The following IGSF21 variants were observed in gnomAD, a reference collection of about 807,000 sequenced individuals.
IGSF21 encodes immunoglobulin superfamily member 21.
Under a neutral mutation model 46.8 loss-of-function variants are expected in IGSF21, and 28 were observed. That is an observed-to-expected ratio of 0.60 (90% CI 0.44 to 0.82). The LOEUF is 0.82. Ranked by LOEUF, IGSF21 falls within the 40% of genes least tolerant of loss-of-function variation. The probability of loss-of-function intolerance (pLI) is 0.00; values close to 1 mark genes in which losing one functional copy is unlikely to be tolerated. For synonymous variants in IGSF21, 284 were observed against 273.6 expected, an observed-to-expected ratio of 1.04 and a Z score of -0.38; for missense variants, 624 against 665.5, an observed-to-expected ratio of 0.94 and a Z score of 0.69.
chr1:18,159,330 T>C (rs75646625), intron 1 of IGSF21, among the ~76,000 whole-genome samples: 3,344 of 152,212 alleles, frequency 0.022, 203 homozygotes, highest in East Asian at 0.19. Flanking sequence ...GCCGAAGAAA[T>C]GTTAGAATCA....
intron 1 of IGSF21, among the ~76,000 whole-genome samples, chr1:18,224,047 A>C (rs978062205): frequency 1.3e-5 from 2 of 152,184 alleles, no homozygotes; most frequent in Admixed American, 6.5e-5. Flanking sequence ...AGCAGGGCTG[A>C]GACTAGGGTG....
At chr1:18,249,139 C>T (rs1422943394) in intron 2 of IGSF21, among the ~76,000 whole-genome samples, 1 of 152,138 alleles carries the variant, frequency 6.6e-6, no homozygotes, top group Non-Finnish European at 1.5e-5. Context: ...CAGGTATTCA[C>T]CTTGGTGAGA....
intron 2 of IGSF21, among the ~76,000 whole-genome samples, chr1:18,278,531 T>TTTG (rs2085126460): frequency 6.4e-5 from 9 of 140,786 alleles, no homozygotes; most frequent in East Asian, 2.2e-4. Context: ...GTAAGGTTTT[T>TTTG]TTTGTTTGTT....
intron 4 of IGSF21, among the ~76,000 whole-genome samples, chr1:18,349,200 G>T (rs150237744): frequency 5.9e-4 from 90 of 152,270 alleles, no homozygotes; most frequent in African/African-American, 1.9e-3. Context: ...CTTAGGGAGT[G>T]ACCAAATGGA....
intron 4 of IGSF21, among the ~76,000 whole-genome samples, chr1:18,359,121 A>G (rs1003705271): frequency 1.3e-5 from 2 of 151,626 alleles, no homozygotes; most frequent in East Asian, 3.9e-4. Context: ...AACAAAAACA[A>G]AAACAAAACA....
intron 3 of IGSF21, among the ~76,000 whole-genome samples, chr1:18,332,835 G>C (rs2085728344): frequency 6.6e-6 from 1 of 152,196 alleles, no homozygotes; most frequent in Non-Finnish European, 1.5e-5. Context: ...GGTGGTGGGA[G>C]GGATGGGCTG....
intron 1 of IGSF21, among the ~76,000 whole-genome samples, chr1:18,175,533 T>C (rs1206565558): frequency 6.6e-6 from 1 of 152,098 alleles, no homozygotes; most frequent in Non-Finnish European, 1.5e-5. Context: ...CATCCAAGGT[T>C]AAAGGCAGGA....
At chr1:18,214,859 A>C (rs796265448) in intron 1 of IGSF21, among the ~76,000 whole-genome samples, 136 of 152,220 alleles carry the variant, frequency 8.9e-4, no homozygotes, top group African/African-American at 3.2e-3. Flanking sequence ...TCTCCTGCCT[A>C]GCCTCCCAAG....
At chr1:18,173,846 C>T (rs2124461981) in intron 1 of IGSF21, among the ~76,000 whole-genome samples, 1 of 152,294 alleles carries the variant, frequency 6.6e-6, no homozygotes, top group Middle Eastern at 3.4e-3. Context: ...CTCGGTCTCC[C>T]AGGTTCAAGC....
intron 2 of IGSF21, among the ~76,000 whole-genome samples, chr1:18,286,661 A>G (rs556765349): frequency 1.3e-5 from 2 of 152,322 alleles, no homozygotes; most frequent in African/African-American, 4.8e-5. Context: ...TACTCTTACC[A>G]GGGAGTCCCA....
intron 1 of IGSF21, among the ~76,000 whole-genome samples, chr1:18,193,285 G>A (rs1038184209): frequency 2.0e-4 from 30 of 152,218 alleles, no homozygotes; most frequent in African/African-American, 4.8e-4. Flanking sequence ...AGGGGCCAGT[G>A]CTTACAGGGC....
At chr1:18,242,916 T>C (rs1246430766) in intron 2 of IGSF21, among the ~76,000 whole-genome samples, 1 of 152,180 alleles carries the variant, frequency 6.6e-6, no homozygotes, top group Non-Finnish European at 1.5e-5. Flanking sequence ...CCCGCACCCT[T>C]GTCTGGAGCT....
intron 4 of IGSF21, among the ~76,000 whole-genome samples, chr1:18,354,684 G>C (rs770381203): frequency 1.3e-5 from 2 of 152,050 alleles, no homozygotes; most frequent in Admixed American, 6.5e-5. Context: ...CTGGGAGCCA[G>C]AGTGTGCTAA....
At chr1:18,197,960 G>A (rs993347727) in intron 1 of IGSF21, among the ~76,000 whole-genome samples, 1 of 152,122 alleles carries the variant, frequency 6.6e-6, no homozygotes, top group Non-Finnish European at 1.5e-5. Context: ...CCTCTCCAAG[G>A]CTTGGTTTCT....
chr1:18,154,132 A>T (rs189585389), intron 1 of IGSF21, among the ~76,000 whole-genome samples: 1 of 152,214 alleles, frequency 6.6e-6, no homozygotes, highest in East Asian at 1.9e-4. Context: ...TAGAACATGC[A>T]TTCCTCGCTT....
At chr1:18,244,450 T>G (rs574907387) in intron 2 of IGSF21, among the ~76,000 whole-genome samples, 1 of 152,186 alleles carries the variant, frequency 6.6e-6, no homozygotes, top group Non-Finnish European at 1.5e-5. Context: ...TGGGTGGGCC[T>G]TTCTCTGTGT....
intron 2 of IGSF21, among the ~76,000 whole-genome samples, chr1:18,270,161 A>T (rs1305912071): frequency 2.0e-5 from 3 of 152,164 alleles, no homozygotes; most frequent in Non-Finnish European, 1.5e-5. Flanking sequence ...CTTGTGGTTG[A>T]ACTACCAGTC....
intron 3 of IGSF21, among the ~76,000 whole-genome samples, chr1:18,329,881 AAGGCATGC>A (rs1471204497): frequency 6.6e-6 from 1 of 152,192 alleles, no homozygotes; most frequent in East Asian, 1.9e-4. Flanking sequence ...TTACCTAGTG[AAGGCATGC>A]AGGTCACGGG....
At chr1:18,198,125 C>A (rs904390212) in intron 1 of IGSF21, among the ~76,000 whole-genome samples, 1 of 152,188 alleles carries the variant, frequency 6.6e-6, no homozygotes, top group Admixed American at 6.5e-5. Context: ...TGATATTTTG[C>A]AATCCTTTGA....
Sources: gnomAD v4.1 joint callset for allele counts (sites outside exome capture counted in the v4.1 genomes callset) on GRCh38, gnomAD v4.1.1 for gene constraint, MANE v1.5 for transcripts, NCBI Gene and HGNC (gene_info 2026-07-23, HGNC 2026-07-21) for gene names.